KIF17: variants seen among roughly 807,000 people sequenced by gnomAD.
KIF17 encodes the protein kinesin family member 17, also known as kinesin-like protein KIF17.
KIF17 carries 80 observed loss-of-function variants against 96.8 expected under a neutral mutation model. The observed-to-expected ratio is 0.83, with a 90% CI of 0.69 to 1.00. The LOEUF is 1.00. Ranked by LOEUF, KIF17 falls within the 50% of genes least tolerant of loss-of-function variation. KIF17 has a pLI of 0.00. For missense variants in KIF17, 1,280 were observed against 1,372.9 expected (o/e 0.93, Z 1.07); for synonymous variants, 567 against 587.5 (o/e 0.97, Z 0.51).
chr1:20,684,415 G>A (rs928972403), intron 10 of KIF17, among the ~76,000 whole-genome samples: 26 of 152,254 alleles, frequency 1.7e-4, no homozygotes, highest in Admixed American at 3.3e-4. Flanking sequence ...AAAGCCACAC[G>A]GCAAGTGAGG....
At chr1:20,668,759 T>C (rs1265240937) in intron 13 of KIF17, among the ~76,000 whole-genome samples, 2 of 152,202 alleles carry the variant, frequency 1.3e-5, no homozygotes, top group Non-Finnish European at 2.9e-5. Context: ...TTTTTGTAAA[T>C]AAAGTTTTAT....
At chr1:20,678,078 T>C (rs536742842) in intron 11 of KIF17, among the ~76,000 whole-genome samples, 46 of 152,188 alleles carry the variant, frequency 3.0e-4, no homozygotes, top group Non-Finnish European at 6.2e-4. Context: ...GAAAAAGAAG[T>C]TTAATGGACT....
Position 20,687,293 on chromosome 1 carries a change from C to A in KIF17, c.1938+95G>T. The stretch of plus-strand genomic sequence containing the variant: ...GAGCCACGGCCTGAGTGTCGGAGGC[C>A]ATGTGTGTGAACAGTGTGTGCACAG... On this transcript the variant is annotated intron_variant, in intron 8 of 14. Transcript: ENST00000400463. This position sits in a 1 kb window ranked among gnomAD's most constrained non-coding sequence, Gnocchi z 4.4. The A allele has an allele frequency of 3.6e-6, 5 of 1,372,060 alleles. No individual in the cohort carries two copies. Among genetic ancestry groups the A allele is most frequent in the Non-Finnish European group, 5.2e-6 (5 of 964,596 alleles). The allele number at this position is 1,372,060 out of a possible 1,614,324, so 85.0% of individuals were successfully genotyped here. A position where few individuals can be genotyped will look rare whatever the true frequency, so the allele number is the denominator to read the frequency against.
chr1:20,713,319 A>G (rs1385784492), intron 3 of KIF17, 135 bp downstream of exon 3: 3 of 646,042 alleles, frequency 4.6e-6, no homozygotes, highest in Non-Finnish European at 7.8e-6. Context: ...TTAATTAAAA[A>G]AAAAAAAAAA....
At chr1:20,684,684 G>A in intron 10 of KIF17, 125 bp downstream of exon 10, 1 of 970,130 alleles carries the variant, frequency 1.0e-6, no homozygotes, top group Non-Finnish European at 1.6e-6. Context: ...GAGAGGATCA[G>A]GGCCGCCCTG....
At chr1:20,663,132 G>A (rs921797551), downstream of KIF17, among the ~76,000 whole-genome samples, 2 of 152,198 alleles carry the variant, frequency 1.3e-5, no homozygotes, top group Non-Finnish European at 2.9e-5. Flanking sequence ...TCTGAGACAG[G>A]AGAATCGCTT....
In KIF17 at chr1:20,690,352, G is replaced by GGGGCGCA; in HGVS notation, c.1234-18_1234-17insTGCGCCC. 1.1e-5 allele frequency: 5 copies of GGGGCGCA among 451,162 alleles called. No homozygotes were observed. The highest frequency in any genetic ancestry group is 2.1e-5 in the Non-Finnish European group (5 of 235,142). 27.9% of individuals were successfully genotyped at this position (451,162 alleles called of 1,614,324 possible). A position where few individuals can be genotyped will look rare whatever the true frequency, so the allele number is the denominator to read the frequency against. On this transcript the variant is annotated splice_polypyrimidine_tract_variant and intron_variant, in intron 6 of 14. Transcript: ENST00000400463. ...TTCATACTCCTGGGGGGGTGGGAGGGACCAGAGGGCAGGCAGCATTTTATC... is the reference window on the plus strand; with the variant it reads ...TTCATACTCCTGGGGGGGTGGGAGGGGGGCGCAACCAGAGGGCAGGCAGCATTTTATC...
intron 13 of KIF17, among the ~76,000 whole-genome samples, chr1:20,669,932 C>A (rs1298948358): frequency 1.3e-5 from 1 of 76,568 alleles, no homozygotes; most frequent in African/African-American, 5.0e-5. Flanking sequence ...GCTTTAAGAA[C>A]ATGCATTTCT....
chr1:20,682,547 A>T, intron 11 of KIF17, 106 bp downstream of exon 11: 2 of 901,928 alleles, frequency 2.2e-6, no homozygotes, highest in Non-Finnish European at 3.7e-6. Flanking sequence ...TGCTGTGTAA[A>T]GAGTAGAGGG....
chr1:20,669,902 A>C (rs1220228702), intron 13 of KIF17, among the ~76,000 whole-genome samples: 4 of 142,240 alleles, frequency 2.8e-5, no homozygotes, highest in Non-Finnish European at 4.5e-5. Context: ...AAAAAAAAAA[A>C]AACAACCACC....
chr1:20,670,573 T>C, intron 12 of KIF17, 85 bp from the exon 13 acceptor site: 2 of 1,302,784 alleles, frequency 1.5e-6, no homozygotes, highest in Non-Finnish European at 2.2e-6. Flanking sequence ...GGGTCAGGCC[T>C]GGCTCAGGCT....
Position 20,690,380 on chromosome 1 carries a change from C to G in KIF17, c.1234-45G>C, listed in dbSNP as rs112316956. On this transcript the variant is annotated intron_variant, in intron 6 of 14. Coordinates refer to ENST00000400463, the MANE Select transcript of KIF17 (RefSeq NM_001122819.3). ...CAGAGGGCAGGCAGCATTTTATCAT[C>G]ATTTTGAAACCCAGCTTTCAGTATT... 3.1e-5 allele frequency: 48 copies of G among 1,568,640 alleles called. 1 individual carries two copies. In the African/African-American group the frequency reaches 4.6e-4, roughly 15 times the overall value.
In KIF17 at chr1:20,704,925, G is replaced by T. The variant is rs763989192; in HGVS notation, c.671-26C>A. The T allele has an allele frequency of 8.2e-6, 13 of 1,591,048 alleles. No individual in the cohort carries two copies. Among genetic ancestry groups the T allele is most frequent in the African/African-American group, 1.3e-5 (1 of 74,756 alleles). Reference sequence around the variant, plus strand: ...CTGCACACAGACCAGGCAAAGTGGCGAGGGCCTCGGGTGAGCCCTATGTAT... The same window carrying T: ...CTGCACACAGACCAGGCAAAGTGGCTAGGGCCTCGGGTGAGCCCTATGTAT... On this transcript the variant is annotated intron_variant, in intron 4 of 14. Coordinates refer to ENST00000400463, the MANE Select transcript of KIF17 (RefSeq NM_001122819.3). This position sits in a 1 kb window ranked among gnomAD's most constrained non-coding sequence, Gnocchi z 6.8.
intron 4 of KIF17, among the ~76,000 whole-genome samples, chr1:20,705,891 C>CTTT (rs2054332373): frequency 3.4e-5 from 3 of 88,790 alleles, no homozygotes; most frequent in Non-Finnish European, 4.8e-5. Context: ...AGTAGGATGT[C>CTTT]TCTTTTTTTT....
rs755465154 is a variant in KIF17, at chr1:20,685,115, G to T, written c.2020-95C>A. On this transcript the variant is annotated intron_variant, in intron 9 of 14. Transcript: ENST00000400463. This position sits in a 1 kb window ranked among gnomAD's most constrained non-coding sequence, Gnocchi z 4.1. ...GCTCAATCCCAGACGGGGCCATTCC[G>T]CCTGCTGCAGCCCCGACAGATCACC... 11 of 918,938 alleles carry T rather than the reference G, an allele frequency of 1.2e-5. No homozygotes were observed. Among genetic ancestry groups the T allele is most frequent in the Non-Finnish European group, 1.9e-5 (11 of 570,802 alleles). 56.9% of individuals were successfully genotyped at this position (918,938 alleles called of 1,614,324 possible). A position where few individuals can be genotyped will look rare whatever the true frequency, so the allele number is the denominator to read the frequency against.
chr1:20,682,310 C>T (rs2053843241), intron 11 of KIF17, among the ~76,000 whole-genome samples: 1 of 152,174 alleles, frequency 6.6e-6, no homozygotes, highest in Non-Finnish European at 1.5e-5. Flanking sequence ...ACTGCAGGCA[C>T]TTAATAAGTG....
Position 20,704,601 on chromosome 1 carries a change from G to C in KIF17, c.969C>G (p.Leu323=), listed in dbSNP as rs1223453095. The C allele has an allele frequency of 1.9e-6, 3 of 1,614,084 alleles. No homozygotes were observed. The highest frequency in any genetic ancestry group is 2.5e-6 in the Non-Finnish European group (3 of 1,180,042). ...CCCGGTTGGCGTAGCGCAGCGTGCT[G>C]AGTGTCTCATCGTAGTTGTTGTCCG... is the stretch of plus-strand genomic sequence containing the variant. ...SPADNNYDET[L]STLRYANRAK... Residue 323 remains leucine (L), a synonymous_variant, in exon 5 of 15, where the codon CTC becomes CTG. Transcript: ENST00000400463. This position sits in a 1 kb window ranked among gnomAD's most constrained non-coding sequence, Gnocchi z 6.8.
chr1:20,692,247 C>G (rs577310108), intron 6 of KIF17, among the ~76,000 whole-genome samples: 123 of 152,322 alleles, frequency 8.1e-4, no homozygotes, highest in Non-Finnish European at 1.3e-3. Flanking sequence ...CTTCCCAGGC[C>G]TCAGCTTAGT....
Position 20,717,861 on chromosome 1 carries a change from G to A in KIF17, c.-155C>T. On this transcript the variant is annotated 5_prime_UTR_variant, in exon 1 of 15. Transcript: ENST00000400463. ...CGGCGGGGGGCGGGGACCCCTCGGGGGGCGCCCCGGAGGGGAGCTGGGCGT... is the reference window on the plus strand; with the variant it reads ...CGGCGGGGGGCGGGGACCCCTCGGGAGGCGCCCCGGAGGGGAGCTGGGCGT... 4.7e-6 allele frequency: 2 copies of A among 425,220 alleles called. No homozygotes were observed. The highest frequency in any genetic ancestry group is 1.6e-4 in the East Asian group (2 of 12,148). 26.3% of individuals were successfully genotyped at this position (425,220 alleles called of 1,614,324 possible).
Sources: allele counts gnomAD v4.1 joint callset (sites outside exome capture counted in the v4.1 genomes callset), GRCh38; gene constraint gnomAD v4.1.1; non-coding constraint Gnocchi (gnomAD v3.1); transcripts MANE v1.5; gene names NCBI Gene and HGNC (gene_info 2026-07-23, HGNC 2026-07-21).